Variants in PCDH9 observed in about 807,000 individuals in gnomAD.
PCDH9 encodes protocadherin 9, also known as protocadherin-9.
In PCDH9, 24 loss-of-function variants were observed where a neutral mutation model predicts 70.6. The ratio of observed to expected loss-of-function variants is 0.34; its 90% CI spans 0.25 to 0.48. The LOEUF (loss-of-function observed/expected upper bound fraction) is 0.48. Among genes scored for constraint, PCDH9 ranks in the 20% least tolerant of loss-of-function variants. PCDH9 has a pLI of 0.99. For missense variants in PCDH9, 1,281 were observed against 1,503.6 expected (o/e 0.85, Z 2.45); for synonymous variants, 562 against 558.5 (o/e 1.01, Z -0.09).
chr13:66,870,373 T>C (rs1399254584), intron 3 of PCDH9, among the ~76,000 whole-genome samples: 1 of 151,908 alleles, frequency 6.6e-6, no homozygotes, highest in Non-Finnish European at 1.5e-5. Flanking sequence ...TCCAGCTTTG[T>C]TCTTTTGACA....
intron 3 of PCDH9, among the ~76,000 whole-genome samples, chr13:66,830,940 T>C (rs2080914362): frequency 1.3e-5 from 2 of 152,200 alleles, no homozygotes; most frequent in African/African-American, 2.4e-5. Context: ...GGGGCACAAG[T>C]GCCATACTGA....
intron 2 of PCDH9, among the ~76,000 whole-genome samples, chr13:67,128,862 A>G (rs2138322343): frequency 6.6e-6 from 1 of 152,266 alleles, no homozygotes; most frequent in East Asian, 1.9e-4. Flanking sequence ...TCAGTGGTAC[A>G]TGAATTTAAT....
intron 2 of PCDH9, among the ~76,000 whole-genome samples, chr13:67,059,356 T>C (rs1295911229): frequency 1.6e-5 from 2 of 123,522 alleles, no homozygotes; most frequent in Non-Finnish European, 3.4e-5. Flanking sequence ...ATATATATTA[T>C]ATATATATAG....
At chr13:66,422,124 A>G (rs1043349725) in intron 4 of PCDH9, among the ~76,000 whole-genome samples, 1 of 152,208 alleles carries the variant, frequency 6.6e-6, no homozygotes, top group African/African-American at 2.4e-5. Flanking sequence ...CTAATTATAT[A>G]TGTACCCAAT....
At chr13:66,750,129 G>T (rs956259792) in intron 3 of PCDH9, among the ~76,000 whole-genome samples, 14 of 152,000 alleles carry the variant, frequency 9.2e-5, no homozygotes, top group African/African-American at 3.4e-4. Context: ...TGAGGAGTAA[G>T]ATATCTTATT....
At chr13:66,359,669 C>T (rs1956437217) in intron 4 of PCDH9, among the ~76,000 whole-genome samples, 1 of 152,008 alleles carries the variant, frequency 6.6e-6, no homozygotes, top group Non-Finnish European at 1.5e-5. Context: ...GGCAAATCTA[C>T]TACAGTGAGG....
intron 2 of PCDH9, among the ~76,000 whole-genome samples, chr13:67,167,841 A>G (rs2088165089): frequency 6.6e-6 from 1 of 152,198 alleles, no homozygotes; most frequent in African/African-American, 2.4e-5. Context: ...TCATAACCCA[A>G]TATGTTAGCA....
chr13:66,652,536 T>A (rs2077867549), intron 3 of PCDH9, among the ~76,000 whole-genome samples: 1 of 151,946 alleles, frequency 6.6e-6, no homozygotes, highest in African/African-American at 2.4e-5. Context: ...ATCAATATTG[T>A]TAAAATGTAC....
chr13:67,062,806 G>T (rs938187656), intron 2 of PCDH9, among the ~76,000 whole-genome samples: 16 of 152,232 alleles, frequency 1.1e-4, no homozygotes, highest in African/African-American at 3.9e-4. Flanking sequence ...TTAAATTGAT[G>T]ATGTAGATTT....
chr13:67,127,676 A>ATATG lies in PCDH9; in HGVS notation c.3036+97728_3036+97729insCATA, dbSNP rs1555310054. On this transcript the variant is annotated intron_variant, in intron 2 of 4. Transcript: ENST00000377865. ...AGACTTTTTTATCATATATATATAT[A>ATATG]TGTGTGTGTGTGTGTGTGTGTGTGT... Among the ~76,000 whole-genome samples, 1,321 of 145,536 alleles carry ATATG rather than the reference A, an allele frequency of 9.1e-3. 20 individuals are homozygous for ATATG. The highest frequency in any genetic ancestry group is 0.013 in the South Asian group (58 of 4,492).
chr13:66,727,663 C>G (rs759898764), intron 3 of PCDH9, among the ~76,000 whole-genome samples: 2 of 152,014 alleles, frequency 1.3e-5, no homozygotes, highest in Admixed American at 1.3e-4. Flanking sequence ...TAGATATAGA[C>G]ACAGAGGCAC....
intron 4 of PCDH9, among the ~76,000 whole-genome samples, chr13:66,608,021 T>C (rs1324720677): frequency 2.6e-5 from 4 of 152,016 alleles, no homozygotes; most frequent in Non-Finnish European, 5.9e-5. Context: ...AGTAAATAAA[T>C]GGAAAAATAT....
At position 66,879,134 on chromosome 13, in the gene PCDH9, T is replaced by A. The variant is rs1187831469; in HGVS notation, c.3138+24370A>T. 2.6e-5 allele frequency among the ~76,000 whole-genome samples: 4 copies of A among 152,172 alleles called. No individual in the cohort carries two copies. The East Asian group carries it at 7.7e-4, about 29-fold the overall frequency. ...TTAGTAGATTTGCTGTCAGCTCATT[T>A]AAAAAGAGTAGAGAGTAGTGCCTTA... On this transcript the variant is annotated intron_variant, in intron 3 of 4. Transcript: ENST00000377865.
chr13:67,023,681 G>A (rs187356852), intron 2 of PCDH9, among the ~76,000 whole-genome samples: 9 of 152,228 alleles, frequency 5.9e-5, no homozygotes, highest in African/African-American at 1.9e-4. Flanking sequence ...CAGCCTTTCC[G>A]AAGCTCCTGA....
intron 4 of PCDH9, among the ~76,000 whole-genome samples, chr13:66,586,718 C>G (rs1190413444): frequency 1.3e-5 from 2 of 152,150 alleles, no homozygotes; most frequent in African/African-American, 4.8e-5. Context: ...AGAGGAGTTG[C>G]AAACTACTGA....
chr13:66,495,711 T>C lies in PCDH9; in HGVS notation c.3340+135499A>G, dbSNP rs150845963. 2.0e-5 allele frequency among the ~76,000 whole-genome samples: 3 copies of C among 152,320 alleles called. No individual in the cohort carries two copies. The East Asian group carries it at 5.8e-4, about 29-fold the overall frequency. On this transcript the variant is annotated intron_variant, in intron 4 of 4. Transcript: ENST00000377865. ...AACACACTGGTGACTCTTTGACCTC[T>C]ATTGGCTGCATTTCTGCCTGTCATC...
intron 4 of PCDH9, among the ~76,000 whole-genome samples, chr13:66,485,622 GAC>G (rs10617362): frequency 0.02 from 3,107 of 151,584 alleles, 101 homozygotes; most frequent in East Asian, 0.092. Flanking sequence ...TAGAGAGAGA[GAC>G]AGAGACATAG....
intron 3 of PCDH9, among the ~76,000 whole-genome samples, chr13:66,639,668 G>A (rs187739898): frequency 3.3e-3 from 505 of 152,102 alleles, no homozygotes; most frequent in Admixed American, 5.6e-3. Flanking sequence ...TTCTCCTGTG[G>A]GACATTAGAG....
At chr13:66,453,568 C>G (rs1476295537) in intron 4 of PCDH9, among the ~76,000 whole-genome samples, 2 of 152,170 alleles carry the variant, frequency 1.3e-5, no homozygotes, top group African/African-American at 4.8e-5. Context: ...ACTGTGCTAG[C>G]ATAAACACTC....
Sources: gnomAD v4.1 joint callset for allele counts (sites outside exome capture counted in the v4.1 genomes callset) on GRCh38, gnomAD v4.1.1 for gene constraint, MANE v1.5 for transcripts, NCBI Gene and HGNC (gene_info 2026-07-23, HGNC 2026-07-21) for gene names.